Variants in RYR2 observed in about 807,000 individuals in gnomAD.
The protein encoded by RYR2 is ryanodine receptor 2, also known as cardiac muscle ryanodine receptor-calcium release channel.
In RYR2, 227 loss-of-function variants were observed where a neutral mutation model predicts 601.1. The ratio of observed to expected loss-of-function variants is 0.38; its 90% confidence interval spans 0.34 to 0.42. The LOEUF (loss-of-function observed/expected upper bound fraction) is 0.42. Among genes scored for constraint, RYR2 ranks in the 10% least tolerant of loss-of-function variants. RYR2 has a pLI of 1.00. For synonymous variants in RYR2, 2,223 were observed against 2,175.1 expected (o/e 1.02, Z -0.61); for missense variants, 4,646 against 6,156.5 (o/e 0.75, Z 8.21).
chr1:237,140,691 A>T (rs1673298427), intron 1 of RYR2, among the ~76,000 whole-genome samples: 1 of 152,178 alleles, frequency 6.6e-6, no homozygotes, highest in South Asian at 2.1e-4. Flanking sequence ...AGGAATTTGG[A>T]ATTAGACCAT....
At chr1:237,359,950 G>A (rs752265499) in intron 4 of RYR2, among the ~76,000 whole-genome samples, 3 of 152,166 alleles carry the variant, frequency 2.0e-5, no homozygotes, top group South Asian at 2.1e-4. Flanking sequence ...GAAATAGACT[G>A]TGAGATTGTT....
intron 1 of RYR2, among the ~76,000 whole-genome samples, chr1:237,259,098 A>G (rs1006162649): frequency 1.3e-5 from 2 of 152,086 alleles, no homozygotes; most frequent in South Asian, 2.1e-4. Context: ...CACTGTTAAT[A>G]CTGGCCTCAC....
At chr1:237,433,553 A>G (rs1318743259) in intron 12 of RYR2, among the ~76,000 whole-genome samples, 10 of 152,200 alleles carry the variant, frequency 6.6e-5, no homozygotes, top group Admixed American at 6.5e-4. Context: ...CAGAGAAAAT[A>G]GAATAGCTCA....
intron 1 of RYR2, among the ~76,000 whole-genome samples, chr1:237,181,591 A>G (rs1345295176): frequency 2.0e-5 from 3 of 151,884 alleles, no homozygotes; most frequent in Non-Finnish European, 2.9e-5. Flanking sequence ...GACAGCTGAG[A>G]CTCTCATACA....
intron 17 of RYR2, among the ~76,000 whole-genome samples, chr1:237,478,812 T>C (rs1236096796): frequency 6.6e-6 from 1 of 152,064 alleles, no homozygotes; most frequent in African/African-American, 2.4e-5. Flanking sequence ...TCGCTTACCA[T>C]CTGGCTGCAA....
intron 10 of RYR2, among the ~76,000 whole-genome samples, chr1:237,404,384 G>T (rs1279698410): frequency 6.6e-6 from 1 of 152,190 alleles, no homozygotes; most frequent in African/African-American, 2.4e-5. Context: ...ATTAGATCCT[G>T]TTATAATAAG....
rs1572422520 is a variant in RYR2 at position 237,042,397 on chromosome 1, C to A, written c.-125C>A. Reference sequence around the variant, plus strand: ...CGGGGACCGCCCGGCGCTCGGCACCCGGCAGCGCGGCCCCCTCCAGCCCCC... The same window carrying A: ...CGGGGACCGCCCGGCGCTCGGCACCAGGCAGCGCGGCCCCCTCCAGCCCCC... On this transcript the variant is annotated 5_prime_UTR_variant, in exon 1 of 105. Transcript: ENST00000366574. The A allele has an allele frequency of 2.1e-6, 2 of 956,618 alleles. No homozygotes were observed. The highest frequency in any genetic ancestry group is 5.2e-5 in the South Asian group (1 of 19,336). The allele number at this position is 956,618 out of a possible 1,614,324, so 59.3% of individuals were successfully genotyped here.
intron 46 of RYR2, among the ~76,000 whole-genome samples, chr1:237,640,017 C>CCA (rs10650519): frequency 0.49 from 74,289 of 150,962 alleles, 18,536 homozygotes; most frequent in East Asian, 0.8. Context: ...GCACTCCCCA[C>CCA]CACACACACA....
chr1:237,607,618 T>C (rs1002180709), intron 35 of RYR2, among the ~76,000 whole-genome samples: 6 of 152,144 alleles, frequency 3.9e-5, no homozygotes, highest in Non-Finnish European at 8.8e-5. Flanking sequence ...CTAATAGAAT[T>C]TGTAGATGAA....
At chr1:237,360,999 C>A (rs1192073890) in intron 4 of RYR2, among the ~76,000 whole-genome samples, 1 of 152,114 alleles carries the variant, frequency 6.6e-6, no homozygotes, top group Admixed American at 6.6e-5. Flanking sequence ...TGCCACCATG[C>A]CTGGCTAACT....
chr1:237,219,270 G>C (rs1683526811), intron 1 of RYR2, among the ~76,000 whole-genome samples: 1 of 151,958 alleles, frequency 6.6e-6, no homozygotes, highest in Non-Finnish European at 1.5e-5. Flanking sequence ...CACCTGCCTT[G>C]GCCTCCCAAA....
At position 237,180,678 on chromosome 1, in the gene RYR2, ATG is replaced by A; in HGVS notation, c.49-89815_49-89814del. Among the ~76,000 whole-genome samples the A allele has an allele frequency of 8.0e-6, 1 of 125,656 alleles. No individual in the cohort carries two copies. The highest frequency in any genetic ancestry group is 8.4e-5 in the Admixed American group (1 of 11,934). The allele number at this position is 125,656 out of a possible 152,430, so 82.4% of individuals were successfully genotyped here. A position where few individuals can be genotyped will look rare whatever the true frequency, so the allele number is the denominator to read the frequency against. On this transcript the variant is annotated intron_variant, in intron 1 of 104. Transcript: ENST00000366574. This position sits in a 1 kb window ranked among gnomAD's most constrained non-coding sequence, Gnocchi z 5.3. ...TGTATATATGTATACATGTGTATAT[ATG>A]TGTATATATGTATATATAAGTATAT...
intron 3 of RYR2, among the ~76,000 whole-genome samples, chr1:237,351,543 AGAG>A (rs945744649): frequency 3.9e-5 from 6 of 152,066 alleles, no homozygotes; most frequent in African/African-American, 1.4e-4. Flanking sequence ...AAAGATAATA[AGAG>A]AATACTGTGA....
chr1:237,687,382 T>TTTTAATTTTCCCC, intron 62 of RYR2, 73 bp from the exon 63 acceptor site: 1 of 685,744 alleles, frequency 1.5e-6, no homozygotes, highest in Non-Finnish European at 2.4e-6. Context: ...TTTTTTTTTT[T>TTTTAATTTTCCCC]TTAATTTCCC....
At chr1:237,210,596 G>C (rs1172614833) in intron 1 of RYR2, among the ~76,000 whole-genome samples, 2 of 152,052 alleles carry the variant, frequency 1.3e-5, no homozygotes, top group Non-Finnish European at 2.9e-5. Context: ...ATTATATGCT[G>C]GTCCTATAAC....
intron 2 of RYR2, among the ~76,000 whole-genome samples, chr1:237,325,611 G>A (rs1034571048): frequency 5.9e-5 from 9 of 152,096 alleles, no homozygotes; most frequent in African/African-American, 1.4e-4. Flanking sequence ...TGGCGTGAAC[G>A]TGGGTGGAGG....
In RYR2 at chr1:237,062,774, C is replaced by T. The variant is rs559305052; in HGVS notation, c.48+20205C>T. Among the ~76,000 whole-genome samples the T allele has an allele frequency of 2.6e-5, 4 of 152,180 alleles. No individual in the cohort carries two copies. The South Asian group carries it at 8.3e-4, about 32-fold the overall frequency. ...AAGACATGATAGCAGATCTTTGATC[C>T]TTTCCCTCAGTTTCAGGGAAAACTT... is the stretch of plus-strand genomic sequence containing the variant. On this transcript the variant is annotated intron_variant, in intron 1 of 104. Transcript: ENST00000366574.
At chr1:237,641,053 A>C (rs1558121322) in intron 47 of RYR2, 51 bp downstream of exon 47, 1 of 1,362,308 alleles carries the variant, frequency 7.3e-7, no homozygotes. Context: ...CTGTGTTAAG[A>C]CATCTATAGC....
At chr1:237,353,008 T>C (rs1454896251) in intron 3 of RYR2, 1 of 373,688 alleles carries the variant, frequency 2.7e-6, no homozygotes, top group Non-Finnish European at 5.4e-6. Flanking sequence ...CTTCGTGTCA[T>C]TTTATTTTGT....
Sources: gnomAD v4.1 joint callset for allele counts (sites outside exome capture counted in the v4.1 genomes callset) on GRCh38, gnomAD v4.1.1 for gene constraint, Gnocchi (gnomAD v3.1) non-coding constraint, MANE v1.5 for transcripts, NCBI Gene and HGNC (gene_info 2026-07-23, HGNC 2026-07-21) for gene names.